Variants in XXYLT1 observed in about 807,000 individuals in gnomAD.
The protein encoded by XXYLT1 is xyloside xylosyltransferase 1.
XXYLT1 carries 20 observed loss-of-function variants against 28.9 expected under a neutral mutation model. The observed-to-expected ratio is 0.69, with a 90% CI of 0.49 to 1.00. The LOEUF (loss-of-function observed/expected upper bound fraction) is 1.00. Ranked by LOEUF, XXYLT1 falls within the 50% of genes least tolerant of loss-of-function variation. The pLI, the probability that XXYLT1 is intolerant of heterozygous loss-of-function variation, is 0.00. For synonymous variants in XXYLT1, 257 were observed against 253.8 expected (o/e 1.01, Z -0.12); for missense variants, 542 against 560.1 (o/e 0.97, Z 0.33).
chr3:195,235,221 TCTAA>T (rs1458882677), intron 1 of XXYLT1, among the ~76,000 whole-genome samples: 8 of 152,248 alleles, frequency 5.3e-5, no homozygotes, highest in East Asian at 3.9e-4. Context: ...TCCTCCCAGC[TCTAA>T]CTGTGTATTT....
intron 2 of XXYLT1, among the ~76,000 whole-genome samples, chr3:195,167,099 C>T (rs1175988958): frequency 6.6e-6 from 1 of 152,256 alleles, no homozygotes; most frequent in South Asian, 2.1e-4. Flanking sequence ...TCTCGCAGCG[C>T]CATGTCGGCA....
At chr3:195,170,874 C>A (rs1247676328) in intron 2 of XXYLT1, among the ~76,000 whole-genome samples, 1 of 150,396 alleles carries the variant, frequency 6.6e-6, no homozygotes, top group African/African-American at 2.5e-5. Context: ...GAAACTCCGT[C>A]TTAACCAAAA....
intron 3 of XXYLT1, among the ~76,000 whole-genome samples, chr3:195,103,413 C>G (rs536079184): frequency 6.6e-6 from 1 of 151,214 alleles, no homozygotes; most frequent in Admixed American, 6.6e-5. Flanking sequence ...TCCATCACCC[C>G]ACGCCAGCGG....
chr3:195,119,956 C>T (rs1231649646), intron 3 of XXYLT1, among the ~76,000 whole-genome samples: 1 of 152,084 alleles, frequency 6.6e-6, no homozygotes, highest in Non-Finnish European at 1.5e-5. Flanking sequence ...GCAGCCTGTC[C>T]CTGCATTCCC....
intron 3 of XXYLT1, among the ~76,000 whole-genome samples, chr3:195,079,329 G>A (rs1715298385): frequency 6.6e-6 from 1 of 152,128 alleles, no homozygotes; most frequent in South Asian, 2.1e-4. Context: ...GAGGACAGAG[G>A]GGAGGATATT....
intron 1 of XXYLT1, among the ~76,000 whole-genome samples, chr3:195,252,907 C>T (rs1247906819): frequency 1.3e-5 from 2 of 152,082 alleles, no homozygotes; most frequent in Admixed American, 6.5e-5. Context: ...TTATGGCATA[C>T]GCCACCGCAG....
At chr3:195,230,514 T>A (rs1216459358) in intron 1 of XXYLT1, among the ~76,000 whole-genome samples, 1 of 152,116 alleles carries the variant, frequency 6.6e-6, no homozygotes, top group Non-Finnish European at 1.5e-5. Flanking sequence ...GTGTCATAAT[T>A]TGTGGTCTTA....
intron 3 of XXYLT1, among the ~76,000 whole-genome samples, chr3:195,139,790 C>G (rs997020534): frequency 2.6e-5 from 4 of 152,178 alleles, no homozygotes; most frequent in Non-Finnish European, 5.9e-5. Flanking sequence ...ACAATGGGAG[C>G]CTGCGTTTCC....
At chr3:195,088,553 A>C (rs1715937046) in intron 3 of XXYLT1, among the ~76,000 whole-genome samples, 1 of 123,494 alleles carries the variant, frequency 8.1e-6, no homozygotes, top group Non-Finnish European at 1.7e-5. Flanking sequence ...GACCAAAAGT[A>C]GATAAAACCA....
intron 3 of XXYLT1, among the ~76,000 whole-genome samples, chr3:195,101,967 A>AGGGGAGGGGT (rs1716805152): frequency 5.7e-5 from 1 of 17,448 alleles, no homozygotes. Flanking sequence ...AGGGGAGGGG[A>AGGGGAGGGGT]CGGGGGAGGG....
At chr3:195,141,916 A>C (rs554778121) in intron 3 of XXYLT1, among the ~76,000 whole-genome samples, 3 of 152,362 alleles carry the variant, frequency 2.0e-5, no homozygotes, top group Non-Finnish European at 2.9e-5. Flanking sequence ...AATTGTTCTC[A>C]TTATTCTGCC....
chr3:195,177,319 C>T lies in XXYLT1; in HGVS notation c.653-20738G>A, dbSNP rs144062749. On this transcript the variant is annotated intron_variant, in intron 2 of 3. Coordinates refer to ENST00000310380, the MANE Select transcript of XXYLT1 (RefSeq NM_152531.5). ...TTATCCCTGGCCTCCAGAACAGGAT[C>T]TGAAGGAGGACCTCAATTTCAAGAT... 6.0e-3 allele frequency among the ~76,000 whole-genome samples: 908 copies of T among 152,300 alleles called. 6 individuals are homozygous for T. The highest frequency in any genetic ancestry group is 0.014 in the Middle Eastern group (4 of 294).
chr3:195,100,043 T>A (rs1230160817), intron 3 of XXYLT1, among the ~76,000 whole-genome samples: 2 of 152,020 alleles, frequency 1.3e-5, no homozygotes, highest in African/African-American at 4.8e-5. Flanking sequence ...ATCTATAGAA[T>A]AAAGTAGTGG....
At chr3:195,155,398 A>C (rs1268419452) in intron 3 of XXYLT1, among the ~76,000 whole-genome samples, 1 of 152,142 alleles carries the variant, frequency 6.6e-6, no homozygotes, top group Non-Finnish European at 1.5e-5. Flanking sequence ...GCCCTTTCCG[A>C]ACAAACTCGG....
chr3:195,157,451 A>C (rs994419653), intron 2 of XXYLT1, among the ~76,000 whole-genome samples: 2 of 152,228 alleles, frequency 1.3e-5, no homozygotes, highest in Non-Finnish European at 2.9e-5. Flanking sequence ...CAGTGTTTTT[A>C]ATCCACTGCC....
chr3:195,199,024 T>G (rs574068515), intron 2 of XXYLT1, among the ~76,000 whole-genome samples: 44 of 152,352 alleles, frequency 2.9e-4, no homozygotes, highest in African/African-American at 9.1e-4. Flanking sequence ...GGAGACTTGC[T>G]GCTTAGAAAC....
At chr3:195,262,261 T>C (rs559541051) in intron 1 of XXYLT1, among the ~76,000 whole-genome samples, 7 of 152,322 alleles carry the variant, frequency 4.6e-5, no homozygotes, top group South Asian at 2.1e-4. Flanking sequence ...AGCCCACTTG[T>C]AGTGAATACT....
At position 195,121,328 on chromosome 3, in the gene XXYLT1, G is replaced by C. The variant is rs571266516; in HGVS notation, c.785+35121C>G. On this transcript the variant is annotated intron_variant, in intron 3 of 3. Coordinates refer to ENST00000310380, the MANE Select transcript of XXYLT1 (RefSeq NM_152531.5). ...AAAGGACAAGATGGTGATGAGAGAC[G>C]GGGTTCCCTCTTGTACAGAAAGCCT... 8.5e-5 allele frequency among the ~76,000 whole-genome samples: 13 copies of C among 152,298 alleles called. No homozygotes were observed. In the South Asian group the frequency reaches 2.7e-3, roughly 32 times the overall value.
intron 2 of XXYLT1, among the ~76,000 whole-genome samples, chr3:195,169,660 A>G (rs1348172546): frequency 6.6e-6 from 1 of 152,082 alleles, no homozygotes; most frequent in Non-Finnish European, 1.5e-5. Flanking sequence ...AGCCCCCCCC[A>G]TAAGTAAAGG....
Sources: allele counts gnomAD v4.1 joint callset (sites outside exome capture counted in the v4.1 genomes callset), GRCh38; gene constraint gnomAD v4.1.1; transcripts MANE v1.5; gene names NCBI Gene and HGNC (gene_info 2026-07-23, HGNC 2026-07-21).